The following DNAH3 variants were observed in gnomAD, a reference collection of about 807,000 sequenced individuals.
DNAH3 encodes dynein axonemal heavy chain 3, also known as axonemal beta dynein heavy chain 3.
DNAH3 carries 332 observed loss-of-function variants against 432.5 expected under a neutral mutation model. The ratio of observed to expected loss-of-function variants is 0.77; its 90% CI spans 0.70 to 0.84. The LOEUF (loss-of-function observed/expected upper bound fraction) is 0.84, where lower values mean the gene tolerates loss of function less well. Ranked by LOEUF, DNAH3 falls within the 40% of genes least tolerant of loss-of-function variation. The pLI is 0.00. For synonymous variants in DNAH3, 1,956 were observed against 1,900.2 expected (o/e 1.03, Z -0.76); for missense variants, 4,861 against 5,114.0 (o/e 0.95, Z 1.51).
At chr16:20,969,455 C>T (rs1209666316) in intron 52 of DNAH3, among the ~76,000 whole-genome samples, 1 of 152,118 alleles carries the variant, frequency 6.6e-6, no homozygotes, top group Non-Finnish European at 1.5e-5. Context: ...TGTAGCTCTC[C>T]TGGTCACCCA....
At chr16:21,062,905 C>G in intron 24 of DNAH3, 1 of 521,398 alleles carries the variant, frequency 1.9e-6, no homozygotes, top group South Asian at 2.4e-5. Flanking sequence ...CCAGGCTAGA[C>G]TTGAACTCCT....
At chr16:20,970,490 C>T (rs12448834) in intron 51 of DNAH3, among the ~76,000 whole-genome samples, 2 of 152,188 alleles carry the variant, frequency 1.3e-5, no homozygotes, top group African/African-American at 2.4e-5. Context: ...TGCCATTGCA[C>T]TCCAGCCTGG....
intron 56 of DNAH3, among the ~76,000 whole-genome samples, chr16:20,950,169 T>C (rs184296279): frequency 5.3e-5 from 8 of 152,202 alleles, no homozygotes; most frequent in Non-Finnish European, 8.8e-5. Context: ...TCTTTGGAGA[T>C]GTTCTTTCAC....
intron 19 of DNAH3, among the ~76,000 whole-genome samples, chr16:21,086,603 G>A (rs114115734): frequency 0.011 from 1,715 of 152,232 alleles, 35 homozygotes; most frequent in African/African-American, 0.038. Flanking sequence ...TCATTGGCTC[G>A]AACAACACTC....
chr16:20,988,067 T>C lies in DNAH3; in HGVS notation c.6602-2A>G, dbSNP rs1431035388. The C allele has an allele frequency of 3.1e-6, 5 of 1,613,844 alleles. No homozygotes were observed. The highest frequency in any genetic ancestry group is 4.2e-6 in the Non-Finnish European group (5 of 1,180,024). On this transcript the variant is annotated splice_acceptor_variant, in intron 44 of 61. Transcript: ENST00000261383. LOFTEE classifies it high-confidence loss of function. ...TATTCAGATGGCGAGTGAATCGTCC[T>C]GGGGAATACAACACACAAGTGAATC...
At chr16:21,146,020 A>G in exon 2 of DNAH3, 1 of 1,613,732 alleles carries the variant, frequency 6.2e-7, no homozygotes, top group Non-Finnish European at 8.5e-7. Context: ...TAGCAGAAGC[A>G]GGCAGAGGAG....
chr16:21,110,131 T>C lies in DNAH3; in HGVS notation c.2099+1495A>G, dbSNP rs370460808. On this transcript the variant is annotated intron_variant, in intron 14 of 61. Transcript: ENST00000261383. Reference sequence around the variant, plus strand: ...AGGATAACATGGAATAACCATTTTCTAACCTTCAAATAGAGACACAGTAGA... The same window carrying C: ...AGGATAACATGGAATAACCATTTTCCAACCTTCAAATAGAGACACAGTAGA... Among the ~76,000 whole-genome samples the C allele has an allele frequency of 1.4e-4, 21 of 152,342 alleles. 1 individual carries two copies. The South Asian group carries it at 3.9e-3, about 29-fold the overall frequency.
Position 21,121,928 on chromosome 16 carries a change from T to C in DNAH3, c.1584+17A>G, listed in dbSNP as rs1795319252. Reference sequence around the variant, plus strand: ...GTGAAAAAATCATGCAAATGAATGATTAAGTGACTACTATACCTTGGGGAT... The same window carrying C: ...GTGAAAAAATCATGCAAATGAATGACTAAGTGACTACTATACCTTGGGGAT... On this transcript the variant is annotated intron_variant, in intron 10 of 61. Coordinates refer to ENST00000261383, the Ensembl canonical transcript of DNAH3. 1.9e-6 allele frequency: 3 copies of C among 1,575,544 alleles called. No homozygotes were observed. Among genetic ancestry groups the C allele is most frequent in the Non-Finnish European group, 1.7e-6 (2 of 1,161,332 alleles).
At chr16:21,012,782 C>A (rs1205224250) in intron 41 of DNAH3, among the ~76,000 whole-genome samples, 2 of 151,970 alleles carry the variant, frequency 1.3e-5, no homozygotes, top group Non-Finnish European at 1.5e-5. Flanking sequence ...TAGGCAGGAT[C>A]TCACTCTCTT....
intron 37 of DNAH3, among the ~76,000 whole-genome samples, chr16:21,027,545 A>G (rs1355389609): frequency 1.3e-5 from 2 of 152,256 alleles, no homozygotes; most frequent in Non-Finnish European, 2.9e-5. Flanking sequence ...TCACAAATAA[A>G]GTATAACAAA....
chr16:21,104,423 G>A (rs2152799043), intron 16 of DNAH3, 48 bp downstream of exon 16: 1 of 1,535,332 alleles, frequency 6.5e-7, no homozygotes, highest in African/African-American at 1.4e-5. Flanking sequence ...CAGCATGGGT[G>A]AAGAAGTCAG....
At chr16:20,990,450 T>C (rs1322571325) in intron 44 of DNAH3, among the ~76,000 whole-genome samples, 1 of 152,186 alleles carries the variant, frequency 6.6e-6, no homozygotes, top group Non-Finnish European at 1.5e-5. Context: ...TATTCAATGA[T>C]TTTTAATATA....
At chr16:21,006,910 G>C (rs1422722071) in intron 41 of DNAH3, among the ~76,000 whole-genome samples, 1 of 152,040 alleles carries the variant, frequency 6.6e-6, no homozygotes. Flanking sequence ...CTTAGCTCAA[G>C]TGATCTGCTC....
intron 15 of DNAH3, among the ~76,000 whole-genome samples, chr16:21,105,982 C>T (rs919616231): frequency 6.6e-6 from 1 of 151,024 alleles, no homozygotes; most frequent in African/African-American, 2.4e-5. Context: ...GAGATAGAGA[C>T]CATCCTGGCC....
At chr16:21,002,444 G>GTTATTATTATTA (rs67362610) in intron 42 of DNAH3, among the ~76,000 whole-genome samples, 2,929 of 146,870 alleles carry the variant, frequency 0.02, 51 homozygotes, top group African/African-American at 0.047. Flanking sequence ...ATCTGGTGTT[G>GTTATTATTATTA]TTATTATTAT....
chr16:21,106,441 T>C lies in DNAH3; in HGVS notation c.2284+49A>G, dbSNP rs373160428. 75 of 1,375,858 alleles carry C rather than the reference T, an allele frequency of 5.5e-5. No homozygotes were observed. In the Middle Eastern group the frequency reaches 5.7e-4, roughly 11 times the overall value. 85.2% of individuals were successfully genotyped at this position (1,375,858 alleles called of 1,614,324 possible). On this transcript the variant is annotated intron_variant, in intron 15 of 61. Coordinates refer to ENST00000261383, the Ensembl canonical transcript of DNAH3. ...AAATGTTATATATACAAATATAAAATATACATATAGGTATGCATTTCGATG... is the reference window on the plus strand; with the variant it reads ...AAATGTTATATATACAAATATAAAACATACATATAGGTATGCATTTCGATG...
intron 50 of DNAH3, among the ~76,000 whole-genome samples, chr16:20,975,745 G>A (rs1392454786): frequency 6.6e-6 from 1 of 152,010 alleles, no homozygotes; most frequent in Non-Finnish European, 1.5e-5. Flanking sequence ...CAGAGCAAAA[G>A]CAAGTTAAGA....
exon 36 of DNAH3, chr16:21,033,977 C>A: frequency 6.2e-7 from 1 of 1,612,322 alleles, no homozygotes; most frequent in Non-Finnish European, 8.5e-7. Context: ...GCTTTACCTG[C>A]GTGTAAATCG....
intron 33 of DNAH3, 115 bp from the exon 34 acceptor site, chr16:21,038,095 G>C (rs1264504423): frequency 1.2e-6 from 1 of 800,794 alleles, no homozygotes; most frequent in Non-Finnish European, 2.1e-6. Context: ...CCATGGACTT[G>C]ATGGAGAAGC....
Sources: allele counts gnomAD v4.1 joint callset (sites outside exome capture counted in the v4.1 genomes callset), GRCh38; gene constraint gnomAD v4.1.1; transcripts MANE v1.5; gene names NCBI Gene and HGNC (gene_info 2026-07-23, HGNC 2026-07-21).